ETF1: variants seen among roughly 807,000 people sequenced by gnomAD.
ETF1 encodes the protein eukaryotic translation termination factor 1, also known as eukaryotic peptide chain release factor subunit 1.
A neutral mutation model predicts 55.1 loss-of-function variants in ETF1; 4 were observed. The ratio of observed to expected loss-of-function variants is 0.07; its 90% CI spans 0.04 to 0.17. The LOEUF (loss-of-function observed/expected upper bound fraction) is 0.17. ETF1 is among the 10% of genes least tolerant of loss of function. The probability of loss-of-function intolerance (pLI) is 1.00; values close to 1 mark genes in which losing one functional copy is unlikely to be tolerated. For synonymous variants in ETF1, 157 were observed against 182.3 expected, an observed-to-expected ratio of 0.86 and a Z score of 1.12; for missense variants, 142 against 523.6, an observed-to-expected ratio of 0.27 and a Z score of 7.11.
chr5:138,523,158 AGAGAC>A (rs1298601311), intron 2 of ETF1, among the ~76,000 whole-genome samples: 2 of 151,948 alleles, frequency 1.3e-5, no homozygotes, highest in Non-Finnish European at 2.9e-5. Flanking sequence ...CACGAGGTCA[AGAGAC>A]CGAGACCATC....
At chr5:138,542,622 C>G in intron 2 of ETF1, 1 of 1,420,896 alleles carries the variant, frequency 7.0e-7, no homozygotes, top group East Asian at 2.6e-5. Flanking sequence ...CCGGGGAGCG[C>G]GGGCCCCTTA....
chr5:138,509,561 A>G (rs2127061505), intron 9 of ETF1, among the ~76,000 whole-genome samples: 1 of 152,220 alleles, frequency 6.6e-6, no homozygotes, highest in Admixed American at 6.5e-5. Flanking sequence ...CAGGAGTTCA[A>G]GACCAGCCTG....
chr5:138,513,086 G>A (rs764186708), intron 5 of ETF1, 132 bp from the exon 6 acceptor site: 17 of 1,384,820 alleles, frequency 1.2e-5, no homozygotes, highest in South Asian at 3.6e-5. Flanking sequence ...TTAACTAAAC[G>A]TTCAGCATAA....
chr5:138,508,953 G>A lies in ETF1; in HGVS notation c.1084-137C>T, dbSNP rs543870498. ...CATGTCTGTGTGTAAAGCTCTGTAA[G>A]TCATCTCTGGTTTTGATAACCTAAT... is the stretch of plus-strand genomic sequence containing the variant. On this transcript the variant is annotated intron_variant, in intron 9 of 10. Coordinates refer to ENST00000360541, the MANE Select transcript of ETF1 (RefSeq NM_004730.4). 1.4e-4 allele frequency: 202 copies of A among 1,436,848 alleles called. No individual in the cohort carries two copies. The African/African-American group carries it at 2.5e-3, about 18-fold the overall frequency. 89.0% of individuals were successfully genotyped at this position (1,436,848 alleles called of 1,614,324 possible).
intron 2 of ETF1, among the ~76,000 whole-genome samples, chr5:138,522,581 T>A (rs905231841): frequency 4.3e-5 from 6 of 140,920 alleles, no homozygotes; most frequent in African/African-American, 1.6e-4. Flanking sequence ...TTCATAATAG[T>A]AAAAAAAAAA....
At chr5:138,508,907 T>C (rs1381998693) in intron 9 of ETF1, 91 bp from the exon 10 acceptor site, 38 of 1,519,078 alleles carry the variant, frequency 2.5e-5, no homozygotes, top group Non-Finnish European at 2.9e-5. Context: ...CACCTATCAC[T>C]CTCATCCTCC....
At chr5:138,524,788 G>C (rs1033357429) in intron 2 of ETF1, among the ~76,000 whole-genome samples, 1 of 151,952 alleles carries the variant, frequency 6.6e-6, no homozygotes, top group African/African-American at 2.4e-5. Context: ...ATGTTGGCCA[G>C]GATGGTCTTG....
At chr5:138,531,112 A>T (rs1765682151) in intron 2 of ETF1, among the ~76,000 whole-genome samples, 1 of 152,218 alleles carries the variant, frequency 6.6e-6, no homozygotes, top group African/African-American at 2.4e-5. Context: ...GGTGGGGCAT[A>T]TGGAATGTGT....
intron 2 of ETF1, among the ~76,000 whole-genome samples, chr5:138,540,575 C>T (rs1561848807): frequency 6.6e-6 from 1 of 152,178 alleles, no homozygotes; most frequent in South Asian, 2.1e-4. Context: ...CTTACCAATA[C>T]TCAGAGATGG....
chr5:138,513,955 G>C (rs1764914856), intron 4 of ETF1: 4 of 903,336 alleles, frequency 4.4e-6, no homozygotes, highest in Non-Finnish European at 5.3e-6. Flanking sequence ...ACATGGGCAT[G>C]TAAATATAAA....
chr5:138,535,092 A>G (rs1433828686), intron 2 of ETF1, among the ~76,000 whole-genome samples: 2 of 150,820 alleles, frequency 1.3e-5, no homozygotes, highest in Non-Finnish European at 2.9e-5. Flanking sequence ...CTGGGATTAC[A>G]GGCATGTGCC....
At chr5:138,510,860 T>C in intron 8 of ETF1, 185 bp downstream of exon 8, 1 of 848,074 alleles carries the variant, frequency 1.2e-6, no homozygotes, top group Non-Finnish European at 1.4e-6. Context: ...GTAACAATCT[T>C]AAGCAGACGT....
chr5:138,542,011 T>C (rs1434396089), intron 2 of ETF1, among the ~76,000 whole-genome samples: 1 of 152,098 alleles, frequency 6.6e-6, no homozygotes, highest in African/African-American at 2.4e-5. Context: ...TGAATCTCAC[T>C]CAACAAGCAT....
chr5:138,517,633 G>A lies in ETF1; in HGVS notation c.330C>T (p.Val110=), dbSNP rs773788788. 8.8e-6 allele frequency: 14 copies of A among 1,598,550 alleles called. No individual in the cohort carries two copies. In the Admixed American group the frequency reaches 1.9e-4, roughly 21 times the overall value. ...IVTEEGKEKK[V]NIDFEPFKPI... The stretch of plus-strand genomic sequence containing the variant: ...GTTTGAAAGGTTCAAAGTCAATGTT[G>A]ACTTTCTTTTCCTTTCCTTCTTCTG... The change falls in exon 4 of 11, where the codon GTC becomes GTT. Residue 110 remains valine, a synonymous_variant. Transcript: ENST00000360541.
At chr5:138,513,426 G>C in intron 5 of ETF1, 142 bp downstream of exon 5, 1 of 806,496 alleles carries the variant, frequency 1.2e-6, no homozygotes, top group Non-Finnish European at 2.0e-6. Context: ...GGCTGGTCTC[G>C]AACTTCTGAC....
At chr5:138,513,506 C>A in intron 5 of ETF1, 62 bp downstream of exon 5, 3 of 1,412,040 alleles carry the variant, frequency 2.1e-6, no homozygotes, top group Non-Finnish European at 3.0e-6. Context: ...ACCCGGCCCA[C>A]CATACTGTTT....
At chr5:138,526,281 C>G (rs527999579) in intron 2 of ETF1, among the ~76,000 whole-genome samples, 17 of 152,280 alleles carry the variant, frequency 1.1e-4, no homozygotes, top group African/African-American at 3.4e-4. Context: ...CTAGTAAGAA[C>G]AGAAGCAGCA....
At chr5:138,532,274 T>C (rs1184558596) in intron 2 of ETF1, among the ~76,000 whole-genome samples, 1 of 152,186 alleles carries the variant, frequency 6.6e-6, no homozygotes, top group Non-Finnish European at 1.5e-5. Flanking sequence ...GATGGTCTTT[T>C]TGATATGGGG....
chr5:138,542,515 G>A, intron 2 of ETF1: 2 of 779,986 alleles, frequency 2.6e-6, no homozygotes, highest in Non-Finnish European at 3.6e-6. Context: ...TCGGGTGGCA[G>A]CACCTGGAGC....
Sources: allele counts gnomAD v4.1 joint callset (sites outside exome capture counted in the v4.1 genomes callset), GRCh38; gene constraint gnomAD v4.1.1; transcripts MANE v1.5; gene names NCBI Gene and HGNC (gene_info 2026-07-23, HGNC 2026-07-21).